Variants in MLLT3 observed in about 807,000 individuals in gnomAD.
The protein encoded by MLLT3 is protein AF-9.
MLLT3 carries 4 observed loss-of-function variants against 53.2 expected under a neutral mutation model. That is an observed-to-expected ratio of 0.08 (90% CI 0.04 to 0.17). The LOEUF (loss-of-function observed/expected upper bound fraction) is 0.17, where lower values mean the gene tolerates loss of function less well. MLLT3 is among the 10% of genes least tolerant of loss of function. The pLI is 1.00. For missense variants in MLLT3, 569 were observed against 684.0 expected (o/e 0.83, Z 1.87); for synonymous variants, 283 against 230.6 (o/e 1.23, Z -2.06).
At chr9:20,361,003 A>T (rs1194436937) in intron 7 of MLLT3, among the ~76,000 whole-genome samples, 162 bp from the exon 8 acceptor site, 1 of 152,222 alleles carries the variant, frequency 6.6e-6, no homozygotes, top group Non-Finnish European at 1.5e-5. Flanking sequence ...TTGTAACTGG[A>T]ACTGTGTTAA....
At chr9:20,593,642 C>A (rs1166716774) in intron 2 of MLLT3, among the ~76,000 whole-genome samples, 1 of 152,028 alleles carries the variant, frequency 6.6e-6, no homozygotes, top group South Asian at 2.1e-4. Context: ...TTTTTTCCTG[C>A]AATTTAAACT....
chr9:20,556,470 G>A (rs966368802), intron 2 of MLLT3, among the ~76,000 whole-genome samples: 1 of 152,108 alleles, frequency 6.6e-6, no homozygotes, highest in Non-Finnish European at 1.5e-5. Context: ...GGATCACAAG[G>A]TAAGGAGTTC....
chr9:20,517,533 G>A (rs1817946409), intron 2 of MLLT3, among the ~76,000 whole-genome samples: 1 of 152,046 alleles, frequency 6.6e-6, no homozygotes, highest in Non-Finnish European at 1.5e-5. Flanking sequence ...TCATCCTGTG[G>A]GGTCAGAAAA....
chr9:20,576,495 G>T (rs1467156475), intron 2 of MLLT3, among the ~76,000 whole-genome samples: 1 of 152,110 alleles, frequency 6.6e-6, no homozygotes, highest in Non-Finnish European at 1.5e-5. Flanking sequence ...TCAAATGAAA[G>T]ATGTGTAATT....
intron 4 of MLLT3, among the ~76,000 whole-genome samples, chr9:20,425,666 G>A (rs1290871986): frequency 6.6e-6 from 1 of 151,866 alleles, no homozygotes; most frequent in Non-Finnish European, 1.5e-5. Context: ...TCAATCTACA[G>A]ACGTAGCTTC....
intron 2 of MLLT3, among the ~76,000 whole-genome samples, chr9:20,505,045 A>G (rs1297806290): frequency 6.6e-6 from 1 of 152,228 alleles, no homozygotes; most frequent in Non-Finnish European, 1.5e-5. Flanking sequence ...GAAGTGAACA[A>G]AACAGATGCA....
intron 5 of MLLT3, among the ~76,000 whole-genome samples, chr9:20,400,614 C>T (rs994005397): frequency 1.3e-5 from 2 of 151,930 alleles, no homozygotes; most frequent in African/African-American, 4.8e-5. Flanking sequence ...GATGGCACTA[C>T]ACATGAAACA....
At chr9:20,407,260 T>A (rs1822603170) in intron 5 of MLLT3, among the ~76,000 whole-genome samples, 4 of 152,176 alleles carry the variant, frequency 2.6e-5, no homozygotes, top group Non-Finnish European at 4.4e-5. Flanking sequence ...GAAACATAAA[T>A]TCTCTTGCAA....
chr9:20,541,110 T>C lies in MLLT3; in HGVS notation c.193+79544A>G, dbSNP rs946902780. On this transcript the variant is annotated intron_variant, in intron 2 of 10. Coordinates refer to ENST00000380338, the MANE Select transcript of MLLT3 (RefSeq NM_004529.4). ...GCTAAATTATAGCAAGAGTGACCTT[T>C]ACTCCAGTTCCCAATAAGTTCCTCT... is the stretch of plus-strand genomic sequence containing the variant. Among the ~76,000 whole-genome samples the C allele has an allele frequency of 3.3e-5, 5 of 152,240 alleles. No homozygotes were observed. In the East Asian group the frequency reaches 9.6e-4, roughly 29 times the overall value.
intron 2 of MLLT3, among the ~76,000 whole-genome samples, chr9:20,577,721 T>C (rs1819689837): frequency 6.6e-6 from 1 of 152,208 alleles, no homozygotes; most frequent in African/African-American, 2.4e-5. Context: ...GGTGGGGCTG[T>C]GCTTCTGAAT....
At chr9:20,423,151 C>T (rs560843809) in intron 4 of MLLT3, among the ~76,000 whole-genome samples, 1 of 152,088 alleles carries the variant, frequency 6.6e-6, no homozygotes, top group Non-Finnish European at 1.5e-5. Context: ...CTTCCTCACC[C>T]CTTGCAAGTA....
intron 2 of MLLT3, among the ~76,000 whole-genome samples, chr9:20,601,725 T>A (rs1319931067): frequency 6.6e-6 from 1 of 151,008 alleles, no homozygotes; most frequent in Non-Finnish European, 1.5e-5. Flanking sequence ...TCTTTTTTTG[T>A]TCCTTTGAGA....
At chr9:20,473,610 T>A (rs978759230) in intron 2 of MLLT3, among the ~76,000 whole-genome samples, 2 of 152,062 alleles carry the variant, frequency 1.3e-5, no homozygotes, top group African/African-American at 4.8e-5. Flanking sequence ...TGGTAAAGAA[T>A]AGGACTGGGT....
intron 4 of MLLT3, among the ~76,000 whole-genome samples, chr9:20,422,632 G>A (rs12554291): frequency 0.16 from 25,030 of 152,114 alleles, 5,239 homozygotes; most frequent in African/African-American, 0.49. Context: ...AGAGAATAAT[G>A]AAAGATTCCC....
In MLLT3 at chr9:20,363,548, T is replaced by C; in HGVS notation, c.1259A>G (p.Asp420Gly). The change falls in exon 7 of 11, where the codon GAT becomes GGT. Residue 420 changes from aspartate (D) to glycine (G), a missense_variant. By Grantham distance (94) the Asp-to-Gly change is moderately conservative. This residue lies in a region of MLLT3 where 437 missense variants were observed against 376.5 expected (regional missense o/e 1.16). Coordinates refer to ENST00000380338, the MANE Select transcript of MLLT3 (RefSeq NM_004529.4). Reference protein sequence around the residue: ...LHSDDNEEESDEVEDNDNDSE... With the variant: ...LHSDDNEEESGEVEDNDNDSE... ...GTCATTGTCGTTATCCTCCACTTCA[T>C]CTGATTCCTCCTCATTGTCATCAGA... The C allele has an allele frequency of 6.2e-7, 1 of 1,614,114 alleles. No homozygotes were observed. Among genetic ancestry groups the C allele is most frequent in the Non-Finnish European group, 8.5e-7 (1 of 1,179,984 alleles).
At chr9:20,500,632 T>C (rs935145301) in intron 2 of MLLT3, among the ~76,000 whole-genome samples, 1 of 152,220 alleles carries the variant, frequency 6.6e-6, no homozygotes, top group African/African-American at 2.4e-5. Flanking sequence ...CAGTTCAAAT[T>C]AAATTCTAAG....
intron 2 of MLLT3, among the ~76,000 whole-genome samples, chr9:20,545,096 CAAAAAAAAAAAAA>C (rs60850984): frequency 4.2e-5 from 2 of 48,074 alleles, no homozygotes; most frequent in African/African-American, 8.1e-5. Flanking sequence ...CCTATCTCTA[CAAAAAAAAAAAAA>C]AAAAAAAAAA....
chr9:20,346,280 G>T lies in MLLT3; in HGVS notation c.*163C>A. The T allele has an allele frequency of 1.3e-6, 1 of 752,124 alleles. No homozygotes were observed. 46.6% of individuals were successfully genotyped at this position (752,124 alleles called of 1,614,324 possible). On this transcript the variant is annotated 3_prime_UTR_variant, in exon 11 of 11. Coordinates refer to ENST00000380338, the MANE Select transcript of MLLT3 (RefSeq NM_004529.4). Reference sequence around the variant, plus strand: ...TCAAGAGATGATGACTGGCTTTAAAGAAAAATAAAGCTGAAGGTTGTTTGA... The same window carrying T: ...TCAAGAGATGATGACTGGCTTTAAATAAAAATAAAGCTGAAGGTTGTTTGA...
chr9:20,555,106 G>C (rs550159905), intron 2 of MLLT3, among the ~76,000 whole-genome samples: 35 of 152,238 alleles, frequency 2.3e-4, no homozygotes, highest in African/African-American at 8.4e-4. Context: ...TATGGTGGTG[G>C]CCACTCCCAA....
Sources: allele counts gnomAD v4.1 joint callset (sites outside exome capture counted in the v4.1 genomes callset), GRCh38; gene constraint gnomAD v4.1.1; regional missense constraint gnomAD v4.1.1; transcripts MANE v1.5; gene names NCBI Gene and HGNC (gene_info 2026-07-23, HGNC 2026-07-21).